The following DPF3 variants were observed in gnomAD, a reference collection of about 807,000 sequenced individuals.
DPF3 encodes the protein zinc finger protein DPF3.
Under a neutral mutation model 56.8 loss-of-function variants are expected in DPF3, and 18 were observed. That is an observed-to-expected ratio of 0.32 (90% CI 0.22 to 0.47). The LOEUF is 0.47. Ranked by LOEUF, DPF3 falls within the 20% of genes least tolerant of loss-of-function variation. The pLI is 1.00. For missense variants in DPF3, 403 were observed against 488.8 expected (o/e 0.82, Z 1.65); for synonymous variants, 188 against 180.2 (o/e 1.04, Z -0.35).
At chr14:72,851,852 G>A (rs1305435276) in intron 1 of DPF3, among the ~76,000 whole-genome samples, 1 of 152,240 alleles carries the variant, frequency 6.6e-6, no homozygotes, top group Non-Finnish European at 1.5e-5. Context: ...GCCAATGGGA[G>A]GACAGCTCGC....
chr14:72,731,752 G>A, intron 4 of DPF3, 55 bp downstream of exon 4: 1 of 1,605,902 alleles, frequency 6.2e-7, no homozygotes, highest in Non-Finnish European at 8.5e-7. Flanking sequence ...TGGAGTTCTG[G>A]AAGCGCTATG....
chr14:72,720,891 A>T (rs375265544), intron 5 of DPF3, among the ~76,000 whole-genome samples: 1 of 152,232 alleles, frequency 6.6e-6, no homozygotes, highest in East Asian at 1.9e-4. Context: ...TTTTTTAAAA[A>T]AATAGATAGG....
intron 1 of DPF3, among the ~76,000 whole-genome samples, chr14:72,805,508 G>C (rs1882733053): frequency 6.6e-6 from 1 of 151,286 alleles, no homozygotes; most frequent in Admixed American, 6.6e-5. Flanking sequence ...CAAACCCCCA[G>C]GGCAAATGGA....
intron 1 of DPF3, among the ~76,000 whole-genome samples, chr14:72,850,853 G>A (rs1377708007): frequency 2.6e-5 from 4 of 152,044 alleles, no homozygotes; most frequent in Admixed American, 2.0e-4. Context: ...ATGTGAACTC[G>A]CTCATGCATG....
At chr14:72,718,785 T>TTTTTTTTTTG (rs71109744) in intron 5 of DPF3, among the ~76,000 whole-genome samples, 1 of 147,246 alleles carries the variant, frequency 6.8e-6, no homozygotes. Flanking sequence ...TTTTTTTTTT[T>TTTTTTTTTTG]GAGACGGAGT....
intron 3 of DPF3, among the ~76,000 whole-genome samples, chr14:72,747,190 T>C (rs1376389902): frequency 1.3e-5 from 2 of 152,160 alleles, no homozygotes; most frequent in Admixed American, 6.5e-5. Flanking sequence ...TCCTTCCCTC[T>C]CTACCTTCCA....
At chr14:72,698,077 G>T (rs1488092769) in intron 6 of DPF3, among the ~76,000 whole-genome samples, 2 of 152,190 alleles carry the variant, frequency 1.3e-5, no homozygotes, top group Non-Finnish European at 2.9e-5. Context: ...TCTGATCTCA[G>T]TTCAAATGTC....
chr14:72,868,028 C>A (rs1885747096), intron 1 of DPF3, among the ~76,000 whole-genome samples: 1 of 152,168 alleles, frequency 6.6e-6, no homozygotes, highest in Non-Finnish European at 1.5e-5. Context: ...AGCCACCACA[C>A]CCAGCCAGAA....
At chr14:72,763,950 G>A (rs2139926237) in intron 2 of DPF3, among the ~76,000 whole-genome samples, 1 of 152,264 alleles carries the variant, frequency 6.6e-6, no homozygotes, top group East Asian at 1.9e-4. Context: ...AACATATATG[G>A]ATGGTGTAAT....
rs543441200 is a variant in DPF3 at position 72,673,314 on chromosome 14, C to T, written c.871+926G>A. Among the ~76,000 whole-genome samples the T allele has an allele frequency of 1.9e-4, 29 of 152,260 alleles. No individual in the cohort carries two copies. The South Asian group carries it at 5.8e-3, about 31-fold the overall frequency. On this transcript the variant is annotated intron_variant, in intron 8 of 10. Transcript: ENST00000556509. ...AGAAAGGTAGAAAGGAGAAATGACTCCTCATTGCTGGAACAAAGCATCCAA... is the reference window on the plus strand; with the variant it reads ...AGAAAGGTAGAAAGGAGAAATGACTTCTCATTGCTGGAACAAAGCATCCAA...
intron 9 of DPF3, among the ~76,000 whole-genome samples, chr14:72,623,017 A>G (rs936882453): frequency 6.6e-6 from 1 of 152,242 alleles, no homozygotes; most frequent in Non-Finnish European, 1.5e-5. Context: ...GAATGTCTAT[A>G]TATTCCTCCA....
chr14:72,688,147 A>G (rs1349593926), intron 7 of DPF3, among the ~76,000 whole-genome samples: 3 of 127,622 alleles, frequency 2.4e-5, no homozygotes, highest in Non-Finnish European at 4.8e-5. Context: ...GACAGATGAG[A>G]TGGATGATGG....
In DPF3 at chr14:72,671,382, G is replaced by A. The variant is rs1430037126; in HGVS notation, c.871+2858C>T. ...ATATCAGCACATGGGTTAAGCAACAGACAGCATTATTAATATTCTCATTAC... is the reference window on the plus strand; with the variant it reads ...ATATCAGCACATGGGTTAAGCAACAAACAGCATTATTAATATTCTCATTAC... On this transcript the variant is annotated intron_variant, in intron 8 of 10. Transcript: ENST00000556509. The A allele has an allele frequency of 5.6e-6, 9 of 1,605,556 alleles. No homozygotes were observed. The South Asian group carries it at 9.9e-5, about 18-fold the overall frequency.
intron 1 of DPF3, among the ~76,000 whole-genome samples, chr14:72,838,235 T>C (rs925018936): frequency 6.6e-6 from 1 of 152,254 alleles, no homozygotes; most frequent in African/African-American, 2.4e-5. Flanking sequence ...GGCTCACGCC[T>C]GTAATTCCAG....
At chr14:72,666,086 T>C (rs1886431798) in intron 8 of DPF3, among the ~76,000 whole-genome samples, 1 of 152,196 alleles carries the variant, frequency 6.6e-6, no homozygotes, top group East Asian at 1.9e-4. Context: ...TTTGAATAGG[T>C]GATCAGAAAT....
At chr14:72,644,547 C>A (rs1885658341) in intron 8 of DPF3, among the ~76,000 whole-genome samples, 1 of 152,168 alleles carries the variant, frequency 6.6e-6, no homozygotes, top group African/African-American at 2.4e-5. Flanking sequence ...AAATCAATGG[C>A]TATTTCCAGT....
chr14:72,788,596 G>A (rs999510310), intron 1 of DPF3, among the ~76,000 whole-genome samples: 1 of 152,096 alleles, frequency 6.6e-6, no homozygotes, highest in Non-Finnish European at 1.5e-5. Flanking sequence ...TCTGCCAGTT[G>A]CCAGACACAC....
intron 2 of DPF3, among the ~76,000 whole-genome samples, chr14:72,760,602 T>C (rs1891031418): frequency 1.3e-5 from 2 of 152,220 alleles, no homozygotes; most frequent in South Asian, 4.1e-4. Context: ...CTCCTTATAC[T>C]ATTCATGAAA....
Position 72,697,977 on chromosome 14 carries a change from C to A in DPF3, c.605-4764G>T, listed in dbSNP as rs1002579558. ...TGGCCTTTTCGTTTATTATAGATTT[C>A]TCTTCCCACCACAGAGTCTTCACAC... On this transcript the variant is annotated intron_variant, in intron 6 of 10. Transcript: ENST00000556509. Among the ~76,000 whole-genome samples, 13 of 152,156 alleles carry A rather than the reference C, an allele frequency of 8.5e-5. 1 individual carries two copies. The highest frequency in any genetic ancestry group is 7.2e-4 in the Admixed American group (11 of 15,284).
Sources: allele counts gnomAD v4.1 joint callset (sites outside exome capture counted in the v4.1 genomes callset), GRCh38; gene constraint gnomAD v4.1.1; transcripts MANE v1.5; gene names NCBI Gene and HGNC (gene_info 2026-07-23, HGNC 2026-07-21).